USH2A: variants seen among roughly 807,000 people sequenced by gnomAD.
USH2A encodes Usher syndrome 2A (autosomal recessive, mild).
In USH2A, 443 loss-of-function variants were observed where a neutral mutation model predicts 538.9. The ratio of observed to expected loss-of-function variants is 0.82; its 90% CI spans 0.76 to 0.89. The LOEUF is 0.89. Among genes scored for constraint, USH2A ranks in the 40% least tolerant of loss-of-function variants. The probability of loss-of-function intolerance (pLI) is 0.00; values close to 1 mark genes in which losing one functional copy is unlikely to be tolerated. For synonymous variants in USH2A, 2,413 were observed against 2,273.5 expected (o/e 1.06, Z -1.75); for missense variants, 6,633 against 6,324.8 (o/e 1.05, Z -1.65).
chr1:216,184,761 C>G (rs1433201445), intron 20 of USH2A, among the ~76,000 whole-genome samples: 1 of 151,962 alleles, frequency 6.6e-6, no homozygotes, highest in East Asian at 1.9e-4. Context: ...TTTAATCACT[C>G]TGGCTCCTAT....
chr1:215,816,049 AT>A (rs1662850794), intron 48 of USH2A, among the ~76,000 whole-genome samples: 2 of 152,224 alleles, frequency 1.3e-5, no homozygotes, highest in African/African-American at 4.8e-5. Flanking sequence ...TGAGAAGTGA[AT>A]TCCGTATTTT....
chr1:216,155,110 C>T (rs1458398145), intron 21 of USH2A, among the ~76,000 whole-genome samples: 1 of 152,114 alleles, frequency 6.6e-6, no homozygotes, highest in African/African-American at 2.4e-5. Flanking sequence ...TGCTTCTAAC[C>T]TTCAAGCTGT....
chr1:215,955,323 A>G (rs1274440889), intron 37 of USH2A, among the ~76,000 whole-genome samples: 1 of 152,186 alleles, frequency 6.6e-6, no homozygotes. Flanking sequence ...TCCCAGAAAC[A>G]GGCACCATCA....
intron 71 of USH2A, among the ~76,000 whole-genome samples, chr1:215,627,533 C>CT (rs946617145): frequency 1.4e-5 from 2 of 138,664 alleles, no homozygotes; most frequent in East Asian, 2.1e-4. Context: ...TCCTTTTTTC[C>CT]TTTTTTTCTT....
At chr1:216,358,152 T>C (rs1158306610) in intron 4 of USH2A, among the ~76,000 whole-genome samples, 1 of 151,944 alleles carries the variant, frequency 6.6e-6, no homozygotes, top group African/African-American at 2.4e-5. Context: ...TTCTAGAGAG[T>C]TATGCTAGAG....
chr1:216,167,229 C>A (rs564068970), intron 21 of USH2A, among the ~76,000 whole-genome samples: 1 of 151,988 alleles, frequency 6.6e-6, no homozygotes, highest in Admixed American at 6.6e-5. Flanking sequence ...AGAGAAGCAC[C>A]GCCCCCCACA....
At chr1:216,283,038 C>T (rs571537304) in intron 11 of USH2A, among the ~76,000 whole-genome samples, 2 of 152,058 alleles carry the variant, frequency 1.3e-5, no homozygotes, top group African/African-American at 4.8e-5. Context: ...TATAATTGAT[C>T]TTTGTGTATT....
In USH2A at chr1:216,329,074, G is replaced by A. The variant is rs529712658; in HGVS notation, c.785-1420C>T. On this transcript the variant is annotated intron_variant, in intron 4 of 71. Coordinates refer to ENST00000307340, the MANE Select transcript of USH2A (RefSeq NM_206933.4). The stretch of plus-strand genomic sequence containing the variant: ...GGCAGCCTCCTGCTCTGACTTTCCC[G>A]TAGGGAGAGTTTCTCTACTCTATCT... Among the ~76,000 whole-genome samples the A allele has an allele frequency of 2.8e-4, 42 of 152,050 alleles. 1 individual carries two copies. Among genetic ancestry groups the A allele is most frequent in the Non-Finnish European group, 4.3e-4 (29 of 68,002 alleles).
At chr1:215,687,225 A>C (rs2797248) in intron 61 of USH2A, among the ~76,000 whole-genome samples, 112,092 of 151,940 alleles carry the variant, frequency 0.74, 41,821 homozygotes, top group East Asian at 0.9. Flanking sequence ...TAGGCAGGGG[A>C]CAATTGTTAT....
Position 216,155,962 on chromosome 1 carries a change from T to A in USH2A, c.4627+19290A>T, listed in dbSNP as rs977820453. Among the ~76,000 whole-genome samples, 5 of 152,166 alleles carry A rather than the reference T, an allele frequency of 3.3e-5. No individual in the cohort carries two copies. In the East Asian group the frequency reaches 9.6e-4, roughly 29 times the overall value. ...ATCTATGAATGGTACATGTACAATA[T>A]CAGTGAAAATATCAGCATGCCCTTC... is the stretch of plus-strand genomic sequence containing the variant. On this transcript the variant is annotated intron_variant, in intron 21 of 71. Transcript: ENST00000307340.
At chr1:216,366,416 T>A (rs1428517237) in intron 3 of USH2A, among the ~76,000 whole-genome samples, 1 of 152,042 alleles carries the variant, frequency 6.6e-6, no homozygotes. Context: ...TACAGCATGT[T>A]TGGGAGATCT....
At chr1:215,878,680 A>C in intron 42 of USH2A, 84 bp downstream of exon 42, 1 of 1,378,364 alleles carries the variant, frequency 7.3e-7, no homozygotes, top group Non-Finnish European at 1.0e-6. Context: ...ATGTTCATAT[A>C]GGAATAAAAG....
At chr1:216,292,739 C>A (rs867729935) in intron 9 of USH2A, among the ~76,000 whole-genome samples, 1 of 152,030 alleles carries the variant, frequency 6.6e-6, no homozygotes, top group South Asian at 2.1e-4. Context: ...AAGTGTTTAA[C>A]CTTTGTGTTA....
intron 21 of USH2A, among the ~76,000 whole-genome samples, chr1:216,158,709 C>G (rs1026674792): frequency 1.3e-4 from 20 of 152,226 alleles, no homozygotes; most frequent in African/African-American, 4.8e-4. Flanking sequence ...GTACTTTCCT[C>G]TCTCATGTGC....
At chr1:216,379,304 C>T (rs1406691933) in intron 3 of USH2A, among the ~76,000 whole-genome samples, 1 of 152,122 alleles carries the variant, frequency 6.6e-6, no homozygotes, top group Admixed American at 6.6e-5. Context: ...GTTTCCTTTG[C>T]CAATCTAATT....
At chr1:215,648,856 G>C in intron 65 of USH2A, 90 bp from the exon 66 acceptor site, 1 of 1,274,108 alleles carries the variant, frequency 7.8e-7, no homozygotes, top group East Asian at 2.3e-5. Context: ...CCTACAAATG[G>C]AGTACCATGC....
intron 9 of USH2A, among the ~76,000 whole-genome samples, chr1:216,307,618 C>T (rs748601995): frequency 4.6e-5 from 7 of 152,140 alleles, no homozygotes; most frequent in Admixed American, 1.3e-4. Context: ...GGCATTCAGT[C>T]GAAATTGTTA....
chr1:215,652,291 A>G (rs1015485141), intron 64 of USH2A, among the ~76,000 whole-genome samples: 1 of 152,178 alleles, frequency 6.6e-6, no homozygotes, highest in African/African-American at 2.4e-5. Context: ...GCCTGTTTCA[A>G]TGAGCAGGGT....
chr1:215,727,884 G>T, intron 61 of USH2A, 146 bp downstream of exon 61: 1 of 942,860 alleles, frequency 1.1e-6, no homozygotes, highest in Non-Finnish European at 1.6e-6. Flanking sequence ...TCTTATCCCC[G>T]TGACTACATT....
Sources: allele counts gnomAD v4.1 joint callset (sites outside exome capture counted in the v4.1 genomes callset), GRCh38; gene constraint gnomAD v4.1.1; transcripts MANE v1.5; gene names NCBI Gene and HGNC (gene_info 2026-07-23, HGNC 2026-07-21).